SYNE1: variants seen among roughly 807,000 people sequenced by gnomAD.
The protein encoded by SYNE1 is spectrin repeat containing nuclear envelope protein 1, also known as nesprin-1.
A neutral mutation model predicts 1,111.0 loss-of-function variants in SYNE1; 616 were observed. The ratio of observed to expected loss-of-function variants is 0.55; its 90% confidence interval spans 0.52 to 0.59. The LOEUF (loss-of-function observed/expected upper bound fraction) is 0.59. Ranked by LOEUF, SYNE1 falls within the 20% of genes least tolerant of loss-of-function variation. The pLI, the probability that SYNE1 is intolerant of heterozygous loss-of-function variation, is 0.00. For missense variants in SYNE1, 10,006 were observed against 10,417.0 expected (o/e 0.96, Z 1.72); for synonymous variants, 3,855 against 3,825.8 (o/e 1.01, Z -0.28).
chr6:152,237,968 C>T (rs2084613515), intron 108 of SYNE1, among the ~76,000 whole-genome samples: 1 of 152,168 alleles, frequency 6.6e-6, no homozygotes, highest in Non-Finnish European at 1.5e-5. Flanking sequence ...TTTTTAAATA[C>T]ACTTACCAAA....
chr6:152,433,829 G>A lies in SYNE1; in HGVS notation c.4427C>T (p.Ser1476Leu), dbSNP rs768845270. 3 of 1,613,818 alleles carry A rather than the reference G, an allele frequency of 1.9e-6. No homozygotes were observed. The highest frequency in any genetic ancestry group is 2.5e-6 in the Non-Finnish European group (3 of 1,179,790). The part of the protein sequence containing the change: ...EKELNALETS[S>L]SAMDMQISQI... ...GCTGATTTGCATGTCCATGGCAGAT[G>A]ACGAAGTTTCCAAGGCATTGAGTTC... The change falls in exon 34 of 146, where the codon TCA becomes TTA. Residue 1476 changes from serine to leucine, a missense_variant. By Grantham distance (145) the Ser-to-Leu change is moderately radical. This residue lies in a region of SYNE1 where 1,971 missense variants were observed against 2,084.1 expected (regional missense o/e 0.95). Transcript: ENST00000367255.
chr6:152,504,627 TA>T lies in SYNE1; in HGVS notation c.778+573del, dbSNP rs759335952. ...TCACTTTGATACTTTTGTTTCAACA[TA>T]ACAACTTATTAGTTTATAAAAGTTT... On this transcript the variant is annotated intron_variant, in intron 9 of 145. Transcript: ENST00000367255. Among the ~76,000 whole-genome samples the T allele has an allele frequency of 1.6e-4, 24 of 152,344 alleles. No individual in the cohort carries two copies. The South Asian group carries it at 2.9e-3, about 18-fold the overall frequency.
chr6:152,206,251 C>T lies in SYNE1; in HGVS notation c.22936G>A (p.Glu7646Lys), dbSNP rs570265411. Reference sequence around the variant, plus strand: ...CATTTCTCTTGGATTTCAGCGAGTTCGGCCTGCAAGGCGGCCTCAGCGCCA... The same window carrying T: ...CATTTCTCTTGGATTTCAGCGAGTTTGGCCTGCAAGGCGGCCTCAGCGCCA... ...DSGAEAALQAELAEIQEKWKS... is the reference protein window; with the variant it reads ...DSGAEAALQAKLAEIQEKWKS... The change falls in exon 126 of 146, where the codon GAA (glutamate) becomes AAA (lysine). Residue 7646 changes from glutamate to lysine, a missense_variant. By Grantham distance (56) the Glu-to-Lys change is moderately conservative (BLOSUM62 1). Around this residue, in one of 7 missense-constraint regions of SYNE1, gnomAD observed 2,182 missense variants for 2,287.8 expected, o/e 0.95. Transcript: ENST00000367255. The T allele has an allele frequency of 7.4e-6, 12 of 1,613,896 alleles. No homozygotes were observed. Among genetic ancestry groups the T allele is most frequent in the South Asian group, 5.5e-5 (5 of 91,054 alleles).
intron 3 of SYNE1, among the ~76,000 whole-genome samples, chr6:152,566,985 CTGTGTGTGTGTG>C (rs59526151): frequency 3.2e-4 from 47 of 146,634 alleles, no homozygotes; most frequent in South Asian, 2.4e-3. Flanking sequence ...TCTTCACATA[CTGTGTGTGTGTG>C]TGTGTGTGTG....
chr6:152,155,179 C>T, intron 132 of SYNE1, 137 bp from the exon 133 acceptor site: 1 of 979,396 alleles, frequency 1.0e-6, no homozygotes, highest in South Asian at 1.5e-5. Context: ...TTCCTCGAGC[C>T]AAATTTGACC....
At position 152,254,912 on chromosome 6, in the gene SYNE1, T is replaced by G. The variant is rs774558249; in HGVS notation, c.19438A>C (p.Lys6480Gln). 5.0e-6 allele frequency: 8 copies of G among 1,613,876 alleles called. No individual in the cohort carries two copies. In the African/African-American group the frequency reaches 1.1e-4, roughly 22 times the overall value. Residue 6480 changes from lysine to glutamine, a missense_variant, in exon 104 of 146, where the codon AAA (lysine) becomes CAA (glutamine). Physicochemically the swap from Lys to Gln is moderately conservative, Grantham distance 53. Transcript: ENST00000367255. ...SVVNQRCHQM[K>Q]ERLQQILNFQ... ...TTTAGTATTTGCTGAAGTCTTTCTT[T>G]CATCTGATGACATCGTTGATTCACT... is the stretch of plus-strand genomic sequence containing the variant.
At chr6:152,399,471 A>C in intron 48 of SYNE1, 145 bp downstream of exon 48, 1 of 979,536 alleles carries the variant, frequency 1.0e-6, no homozygotes, top group Non-Finnish European at 1.6e-6. Context: ...CAGCACTTCT[A>C]TTGCTCAAAT....
chr6:152,586,364 T>C (rs1371555494), intron 3 of SYNE1, among the ~76,000 whole-genome samples: 2 of 152,154 alleles, frequency 1.3e-5, no homozygotes, highest in African/African-American at 2.4e-5. Flanking sequence ...CTTCTATATA[T>C]TCCTCAAAAG....
intron 33 of SYNE1, chr6:152,435,076 T>G (rs2098461112): frequency 6.6e-6 from 1 of 152,162 alleles, no homozygotes; most frequent in South Asian, 2.1e-4. Context: ...TTTCAAGTCA[T>G]AATTTGTTTT....
intron 130 of SYNE1, among the ~76,000 whole-genome samples, chr6:152,175,615 T>A (rs924013721): frequency 6.6e-6 from 1 of 152,242 alleles, no homozygotes; most frequent in Non-Finnish European, 1.5e-5. Flanking sequence ...GTGCTTGTGA[T>A]ATGTAGTGAA....
intron 128 of SYNE1, among the ~76,000 whole-genome samples, chr6:152,182,624 A>G (rs1163865651): frequency 6.6e-6 from 1 of 152,220 alleles, no homozygotes; most frequent in Non-Finnish European, 1.5e-5. Context: ...CTAAGGTATT[A>G]TACACTTTCT....
intron 47 of SYNE1, 116 bp from the exon 48 acceptor site, chr6:152,399,939 G>A: frequency 1.7e-6 from 2 of 1,184,050 alleles, no homozygotes; most frequent in Non-Finnish European, 2.4e-6. Context: ...CCACTCCATG[G>A]TGTATACATT....
chr6:152,586,968 G>A (rs908586949), intron 3 of SYNE1, among the ~76,000 whole-genome samples: 12 of 151,966 alleles, frequency 7.9e-5, no homozygotes, highest in East Asian at 5.8e-4. Flanking sequence ...AAAGAAAATC[G>A]GTCTGTATTA....
intron 140 of SYNE1, 54 bp downstream of exon 140, chr6:152,139,896 G>A (rs577293771): frequency 9.5e-5 from 150 of 1,584,904 alleles, no homozygotes; most frequent in African/African-American, 6.6e-4. Flanking sequence ...CTGCACGGTC[G>A]TTCACGCGGT....
In SYNE1 at chr6:152,428,266, T is replaced by A; in HGVS notation, c.4915A>T (p.Ile1639Phe). The change falls in exon 37 of 146, where the codon ATC becomes TTC. Residue 1639 changes from isoleucine to phenylalanine, a missense_variant. Physicochemically the swap from Ile to Phe is conservative, Grantham distance 21 (BLOSUM62 0). Transcript: ENST00000367255. Reference protein sequence around the residue: ...AAALQQQYEDILRRAKERQTA... With the variant: ...AAALQQQYEDFLRRAKERQTA... ...TGTCTCTCCTTCGCCCTCCTTAGGA[T>A]GTCCTCGTATTGCTGCTGTAGAGCC... The A allele has an allele frequency of 6.2e-7, 1 of 1,614,142 alleles. No individual in the cohort carries two copies.
intron 3 of SYNE1, among the ~76,000 whole-genome samples, chr6:152,543,535 T>C (rs11962260): frequency 0.053 from 8,102 of 152,284 alleles, 698 homozygotes; most frequent in African/African-American, 0.18. Context: ...CAACTTGTGT[T>C]AAAAGTTTAA....
intron 132 of SYNE1, chr6:152,155,328 G>T (rs539022060): frequency 4.9e-6 from 2 of 405,496 alleles, no homozygotes; most frequent in African/African-American, 2.0e-5. Flanking sequence ...TTGAATGTGT[G>T]CACCAAGTTT....
intron 106 of SYNE1, 75 bp from the exon 107 acceptor site, chr6:152,242,515 C>A: frequency 1.9e-6 from 3 of 1,550,146 alleles, no homozygotes; most frequent in Non-Finnish European, 2.7e-6. Context: ...GAACTATGAA[C>A]GCACCAAGCC....
chr6:152,216,560 G>GGAGTGGCTGGAGGGAGA (rs895829467), intron 121 of SYNE1, among the ~76,000 whole-genome samples: 3 of 152,076 alleles, frequency 2.0e-5, no homozygotes, highest in Non-Finnish European at 2.9e-5. Context: ...CAGTGGCACG[G>GGAGTGGCTGGAGGGAGA]GAGTGGCTGG....
Sources: gnomAD v4.1 joint callset for allele counts (sites outside exome capture counted in the v4.1 genomes callset) on GRCh38, gnomAD v4.1.1 for gene constraint, gnomAD v4.1.1 regional missense constraint, MANE v1.5 for transcripts, NCBI Gene and HGNC (gene_info 2026-07-23, HGNC 2026-07-21) for gene names.